Variants in PKD2 observed in about 807,000 individuals in gnomAD.
The protein encoded by PKD2 is polycystin-2.
A neutral mutation model predicts 105.9 loss-of-function variants in PKD2; 48 were observed. The observed-to-expected ratio is 0.45, with a 90% CI of 0.36 to 0.58. The LOEUF is 0.58. Ranked by LOEUF, PKD2 falls within the 20% of genes least tolerant of loss-of-function variation. PKD2 has a pLI of 0.00. For missense variants in PKD2, 1,078 were observed against 1,255.3 expected (o/e 0.86, Z 2.13); for synonymous variants, 464 against 481.1 (o/e 0.96, Z 0.46).
rs1223785807 is a variant in PKD2 at position 88,070,601 on chromosome 4, TAGAGAGAGAGAG to T, written c.2522+2556_2522+2567del. On this transcript the variant is annotated intron_variant, in intron 13 of 14. Coordinates refer to ENST00000237596, the MANE Select transcript of PKD2 (RefSeq NM_000297.4). ...ATATATATATATATATATATATATA[TAGAGAGAGAGAG>T]AGAGAGAGAGAGAGAAAGAGAGAGA... is the stretch of plus-strand genomic sequence containing the variant. 3.9e-3 allele frequency among the ~76,000 whole-genome samples: 356 copies of T among 91,470 alleles called. 2 individuals are homozygous for T. Among genetic ancestry groups the T allele is most frequent in the Middle Eastern group, 0.013 (2 of 160 alleles). The allele number at this position is 91,470 out of a possible 152,430, so 60.0% of individuals were successfully genotyped here. A position where few individuals can be genotyped will look rare whatever the true frequency, so the allele number is the denominator to read the frequency against.
At position 88,061,911 on chromosome 4, in the gene PKD2, G is replaced by A. The variant is rs528493482; in HGVS notation, c.2025G>A (p.Met675Ile). 6.0e-6 allele frequency: 9 copies of A among 1,496,716 alleles called. No individual in the cohort carries two copies. In the South Asian group the frequency reaches 6.8e-5, roughly 11 times the overall value. 92.7% of individuals were successfully genotyped at this position (1,496,716 alleles called of 1,614,324 possible). Residue 675 changes from methionine to isoleucine, a missense_variant, in exon 10 of 15, where the codon ATG becomes ATA. Coordinates refer to ENST00000237596, the MANE Select transcript of PKD2 (RefSeq NM_000297.4). Reference sequence around the variant, plus strand: ...CTCCTTTCATTTACAAACAGAATATGTTTTTGGCTATCATCAATGATACTT... The same window carrying A: ...CTCCTTTCATTTACAAACAGAATATATTTTTGGCTATCATCAATGATACTT... ...VFFMFFILLN[M>I]FLAIINDTYS...
intron 6 of PKD2, among the ~76,000 whole-genome samples, chr4:88,051,436 C>T (rs765133804): frequency 3.9e-5 from 6 of 152,142 alleles, no homozygotes; most frequent in African/African-American, 7.2e-5. Flanking sequence ...AGGATTTATG[C>T]AGTTTACTTC....
chr4:88,023,385 G>A (rs1726834996), intron 2 of PKD2, among the ~76,000 whole-genome samples: 1 of 152,198 alleles, frequency 6.6e-6, no homozygotes, highest in South Asian at 2.1e-4. Flanking sequence ...GTACCAAGAG[G>A]ATGGTACTAA....
chr4:88,044,783 A>C (rs1400222838), intron 5 of PKD2, among the ~76,000 whole-genome samples: 1 of 152,122 alleles, frequency 6.6e-6, no homozygotes, highest in African/African-American at 2.4e-5. Context: ...GGAATTTTCC[A>C]CTTGTGCGTT....
intron 2 of PKD2, among the ~76,000 whole-genome samples, chr4:88,031,002 T>G (rs1336214655): frequency 6.6e-6 from 1 of 152,216 alleles, no homozygotes; most frequent in Non-Finnish European, 1.5e-5. Context: ...CGATTTATGA[T>G]TTTTCAACTT....
chr4:88,012,313 T>C (rs939234842), intron 1 of PKD2, among the ~76,000 whole-genome samples: 2 of 152,232 alleles, frequency 1.3e-5, no homozygotes, highest in African/African-American at 2.4e-5. Flanking sequence ...CCGCAACTAT[T>C]AGATGTTGCA....
rs532667197 is a variant in PKD2 at position 88,027,091 on chromosome 4, G to C, written c.709+7520G>C. Among the ~76,000 whole-genome samples the C allele has an allele frequency of 3.0e-3, 452 of 152,342 alleles. 5 individuals carry two copies. Among genetic ancestry groups the C allele is most frequent in the African/African-American group, 0.01 (429 of 41,586 alleles). The stretch of plus-strand genomic sequence containing the variant: ...AATGTGGGGTTGGAGCTCCCACACA[G>C]AGTCCCCACTGGGGCACTGCCTCAT... On this transcript the variant is annotated intron_variant, in intron 2 of 14. Coordinates refer to ENST00000237596, the MANE Select transcript of PKD2 (RefSeq NM_000297.4).
At position 88,007,725 on chromosome 4, in the gene PKD2, G is replaced by C; in HGVS notation, c.-9G>C. The C allele has an allele frequency of 8.3e-7, 1 of 1,199,352 alleles. No individual in the cohort carries two copies. 74.3% of individuals were successfully genotyped at this position (1,199,352 alleles called of 1,614,324 possible). A position where few individuals can be genotyped will look rare whatever the true frequency, so the allele number is the denominator to read the frequency against. ...CCGCGCACCCGCGCGCCGGACGCCAGTGACCGCGATGGTGAACTCCAGTCG... is the reference window on the plus strand; with the variant it reads ...CCGCGCACCCGCGCGCCGGACGCCACTGACCGCGATGGTGAACTCCAGTCG... On this transcript the variant is annotated 5_prime_UTR_variant, in exon 1 of 15. Coordinates refer to ENST00000237596, the MANE Select transcript of PKD2 (RefSeq NM_000297.4).
intron 9 of PKD2, among the ~76,000 whole-genome samples, chr4:88,061,466 A>G (rs1291503318): frequency 6.6e-6 from 1 of 152,166 alleles, no homozygotes; most frequent in Admixed American, 6.5e-5. Flanking sequence ...GGCTGGGCAC[A>G]GTGGCTCACG....
chr4:88,027,643 G>A (rs926028502), intron 2 of PKD2, among the ~76,000 whole-genome samples: 1 of 152,150 alleles, frequency 6.6e-6, no homozygotes, highest in Non-Finnish European at 1.5e-5. Context: ...GATTTTGGAG[G>A]GGCCAGGGGT....
rs1023743336 is a variant in PKD2 at position 88,058,171 on chromosome 4, T to C, written c.2019+68T>C. ...GTAAATCCTTGTCTTCTCTTTTCTCTCACACTTTATGTCCTATCAATTTTA... is the reference window on the plus strand; with the variant it reads ...GTAAATCCTTGTCTTCTCTTTTCTCCCACACTTTATGTCCTATCAATTTTA... On this transcript the variant is annotated intron_variant, in intron 9 of 14. Transcript: ENST00000237596. The C allele has an allele frequency of 4.1e-6, 4 of 973,050 alleles. No individual in the cohort carries two copies. The African/African-American group carries it at 6.4e-5, about 15-fold the overall frequency. The allele number at this position is 973,050 out of a possible 1,614,324, so 60.3% of individuals were successfully genotyped here. A position where few individuals can be genotyped will look rare whatever the true frequency, so the allele number is the denominator to read the frequency against.
At chr4:88,073,960 T>A (rs541158872) in intron 13 of PKD2, among the ~76,000 whole-genome samples, 3 of 152,330 alleles carry the variant, frequency 2.0e-5, no homozygotes, top group African/African-American at 7.2e-5. Context: ...TTCAAAATAA[T>A]AGAATTGTAA....
At chr4:88,023,570 T>C (rs1726843680) in intron 2 of PKD2, among the ~76,000 whole-genome samples, 1 of 152,196 alleles carries the variant, frequency 6.6e-6, no homozygotes, top group African/African-American at 2.4e-5. Flanking sequence ...AGTACAGATT[T>C]TTTTTGCATC....
chr4:88,075,598 T>C lies in PKD2; in HGVS notation c.2811T>C (p.Gly937=). 1 of 1,614,152 alleles carries C rather than the reference T, an allele frequency of 6.2e-7. No individual in the cohort carries two copies. The highest frequency in any genetic ancestry group is 8.5e-7 in the Non-Finnish European group (1 of 1,180,014). The change falls in exon 15 of 15, where the codon GGT becomes GGC. Residue 937 remains glycine, a synonymous_variant. Transcript: ENST00000237596. ...TAGGCACGCCAGTGGGACTAAATGG[T>C]CAACCTCGCCCCAGAAGCTCCCGCC... ...HGLGTPVGLN[G]QPRPRSSRPS...
chr4:88,047,283 G>A (rs1727812487), intron 6 of PKD2, among the ~76,000 whole-genome samples: 1 of 152,048 alleles, frequency 6.6e-6, no homozygotes, highest in African/African-American at 2.4e-5. Context: ...TCGGCCAGGT[G>A]TGGTAGCTCA....
chr4:88,018,373 A>AT (rs947988452), intron 1 of PKD2, among the ~76,000 whole-genome samples: 2 of 152,074 alleles, frequency 1.3e-5, no homozygotes, highest in African/African-American at 2.4e-5. Flanking sequence ...GCCTTATGCT[A>AT]TTTTTTCCCA....
intron 2 of PKD2, among the ~76,000 whole-genome samples, chr4:88,021,595 G>T (rs141044686): frequency 6.6e-6 from 1 of 152,084 alleles, no homozygotes; most frequent in African/African-American, 2.4e-5. Context: ...TAAAACATCC[G>T]TCTCAGATGG....
rs1282057385 is a variant in PKD2, at chr4:88,051,906, G to A, written c.1549-85G>A. On this transcript the variant is annotated intron_variant, in intron 6 of 14. Transcript: ENST00000237596. ...GGTGAGCCCTTATAATTAATACATT[G>A]GTGAAGAAAAATATACTAGTCATAT... 7 of 736,882 alleles carry A rather than the reference G, an allele frequency of 9.5e-6. No individual in the cohort carries two copies. In the Admixed American group the frequency reaches 1.4e-4, roughly 15 times the overall value. 45.6% of individuals were successfully genotyped at this position (736,882 alleles called of 1,614,324 possible).
At chr4:88,028,394 A>G (rs1727031399) in intron 2 of PKD2, among the ~76,000 whole-genome samples, 2 of 152,218 alleles carry the variant, frequency 1.3e-5, no homozygotes, top group South Asian at 4.1e-4. Context: ...CTCACCACAT[A>G]TCTTTTCACC....
Sources: allele counts gnomAD v4.1 joint callset (sites outside exome capture counted in the v4.1 genomes callset), GRCh38; gene constraint gnomAD v4.1.1; transcripts MANE v1.5; gene names NCBI Gene and HGNC (gene_info 2026-07-23, HGNC 2026-07-21).